The following SZT2 variants were observed in gnomAD, a reference collection of about 807,000 sequenced individuals.
SZT2 encodes SZT2 subunit of KICSTOR complex, also known as KICSTOR complex protein SZT2.
A neutral mutation model predicts 404.2 loss-of-function variants in SZT2; 216 were observed. The ratio of observed to expected loss-of-function variants is 0.53; its 90% CI spans 0.48 to 0.60. The LOEUF is 0.60. SZT2 is among the 20% of genes least tolerant of loss of function. SZT2 has a pLI of 0.00. For missense variants in SZT2, 3,857 were observed against 4,459.2 expected, an observed-to-expected ratio of 0.86 and a Z score of 3.85; for synonymous variants, 1,693 against 1,749.9, an observed-to-expected ratio of 0.97 and a Z score of 0.81.
In SZT2 at chr1:43,453,472, C is replaced by T; in HGVS notation, c.*2992C>T. 1 of 1,560,548 alleles carries T rather than the reference C, an allele frequency of 6.4e-7. No individual in the cohort carries two copies. Among genetic ancestry groups the T allele is most frequent in the Non-Finnish European group, 8.7e-7 (1 of 1,151,426 alleles). On this transcript the variant is annotated 3_prime_UTR_variant, in exon 72 of 72. Coordinates refer to ENST00000634258, the MANE Select transcript of SZT2 (RefSeq NM_001365999.1). Reference sequence around the variant, plus strand: ...CCTGTCTCCCGGGGACGGCCCCCAGCCCCATTTCCCCCTTCTCTTGGTCTC... The same window carrying T: ...CCTGTCTCCCGGGGACGGCCCCCAGTCCCATTTCCCCCTTCTCTTGGTCTC...
At chr1:43,398,903 A>C (rs928703869) in intron 1 of SZT2, among the ~76,000 whole-genome samples, 7 of 152,210 alleles carry the variant, frequency 4.6e-5, no homozygotes, top group Admixed American at 6.5e-5. Flanking sequence ...AATATGGTGA[A>C]CCACCATCTC....
Position 43,419,716 on chromosome 1 carries a change from G to A in SZT2, c.880-18G>A. 2 of 1,591,804 alleles carry A rather than the reference G, an allele frequency of 1.3e-6. No homozygotes were observed. The highest frequency in any genetic ancestry group is 1.7e-6 in the Non-Finnish European group (2 of 1,175,830). On this transcript the variant is annotated intron_variant, in intron 7 of 71. Coordinates refer to ENST00000634258, the MANE Select transcript of SZT2 (RefSeq NM_001365999.1). Reference sequence around the variant, plus strand: ...TGCCTCTGTCAGAGCTAGGTCTTCAGTTGCTCACTTTTTCCAGGTGGGAGG... The same window carrying A: ...TGCCTCTGTCAGAGCTAGGTCTTCAATTGCTCACTTTTTCCAGGTGGGAGG...
At chr1:43,397,671 A>T (rs1485241427) in intron 1 of SZT2, among the ~76,000 whole-genome samples, 1 of 151,558 alleles carries the variant, frequency 6.6e-6, no homozygotes, top group Non-Finnish European at 1.5e-5. Context: ...GGGACTACAG[A>T]TGTGCTCCAC....
At position 43,452,844 on chromosome 1, in the gene SZT2, T is replaced by C; in HGVS notation, c.*2364T>C. On this transcript the variant is annotated 3_prime_UTR_variant, in exon 72 of 72. Coordinates refer to ENST00000634258, the MANE Select transcript of SZT2 (RefSeq NM_001365999.1). ...ACCTCCTCCCATCATCCCCTGATCTTAGCCACATCCAGCTCCAAGCAGACA... is the reference window on the plus strand; with the variant it reads ...ACCTCCTCCCATCATCCCCTGATCTCAGCCACATCCAGCTCCAAGCAGACA... 6.5e-7 allele frequency: 1 copy of C among 1,533,964 alleles called. No homozygotes were observed. Among genetic ancestry groups the C allele is most frequent in the Non-Finnish European group, 8.8e-7 (1 of 1,130,616 alleles).
At chr1:43,435,746 CA>C (rs894549902) in intron 42 of SZT2, 46 of 159,982 alleles carry the variant, frequency 2.9e-4, no homozygotes, top group African/African-American at 1.0e-3. Context: ...GGGAAAGAGC[CA>C]GGGGAGGGGG....
chr1:43,447,969 G>A lies in SZT2; in HGVS notation c.9561G>A (p.Leu3187=). 6.2e-7 allele frequency: 1 copy of A among 1,613,876 alleles called. No individual in the cohort carries two copies. The highest frequency in any genetic ancestry group is 8.5e-7 in the Non-Finnish European group (1 of 1,179,990). The change falls in exon 68 of 72, where the codon CTG becomes CTA. Residue 3187 remains leucine, a splice_region_variant and synonymous_variant. Transcript: ENST00000634258. ...AAGGAGAGGCTGAGCGGCACGTTCT[G>A]CGGTCAGCAGATCCCCTACCTTGAA... The part of the protein sequence containing the change: ...EEQGEAERHV[L]RLQFFVVLTS...
chr1:43,421,516 G>A (rs895824631), intron 11 of SZT2, among the ~76,000 whole-genome samples: 7 of 152,220 alleles, frequency 4.6e-5, no homozygotes, highest in African/African-American at 1.7e-4. Flanking sequence ...ACAGAGCACA[G>A]GTGGCAGAGG....
rs772017315 is a variant in SZT2, at chr1:43,432,815, G to A, written c.5602+16G>A. On this transcript the variant is annotated intron_variant, in intron 39 of 71. Transcript: ENST00000634258. ...GACCACCTAGGTAAGCTGGGGGGAC[G>A]GGGTGAAGGACTCTAAGCTGATGGG... 12 of 1,613,120 alleles carry A rather than the reference G, an allele frequency of 7.4e-6. No homozygotes were observed. Among genetic ancestry groups the A allele is most frequent in the South Asian group, 2.2e-5 (2 of 90,962 alleles).
Position 43,439,190 on chromosome 1 carries a change from G to T in SZT2, c.6792+97G>T. ...TACCGATACCCCTATATGTACCTTT[G>T]CCCATGGACCTGGGTACACCCATGC... On this transcript the variant is annotated intron_variant, in intron 48 of 71. Transcript: ENST00000634258. The surrounding 1 kb of genome is among the most constrained non-coding windows in gnomAD (Gnocchi z 4.2). 1 of 1,577,244 alleles carries T rather than the reference G, an allele frequency of 6.3e-7. No homozygotes were observed. Among genetic ancestry groups the T allele is most frequent in the Non-Finnish European group, 8.7e-7 (1 of 1,153,954 alleles).
intron 1 of SZT2, among the ~76,000 whole-genome samples, chr1:43,401,706 G>A (rs1649709901): frequency 6.6e-6 from 1 of 152,038 alleles, no homozygotes; most frequent in Non-Finnish European, 1.5e-5. Context: ...GGCTGGTCTC[G>A]AACTCCTGAC....
Position 43,437,072 on chromosome 1 carries a change from T to C in SZT2, c.6035-99T>C, listed in dbSNP as rs1654534119. On this transcript the variant is annotated intron_variant, in intron 42 of 71. Transcript: ENST00000634258. The surrounding 1 kb of genome is among the most constrained non-coding windows in gnomAD (Gnocchi z 5.3). ...TCTCTGCAATAGTCAGGGATGAGTC[T>C]GGAGGAGTGAGGACAAGTAGGCCAG... The C allele has an allele frequency of 6.8e-7, 1 of 1,472,906 alleles. No homozygotes were observed. Among genetic ancestry groups the C allele is most frequent in the Non-Finnish European group, 9.3e-7 (1 of 1,076,756 alleles). The allele number at this position is 1,472,906 out of a possible 1,614,324, so 91.2% of individuals were successfully genotyped here.
intron 1 of SZT2, among the ~76,000 whole-genome samples, chr1:43,394,748 C>T (rs1648791275): frequency 6.6e-6 from 1 of 151,940 alleles, no homozygotes; most frequent in African/African-American, 2.4e-5. Context: ...CGTGGTGGCG[C>T]ATGCCTGTAA....
chr1:43,403,693 A>G lies in SZT2; in HGVS notation c.246A>G (p.Val82=), dbSNP rs1649956153. Residue 82 remains valine (V), a synonymous_variant, in exon 3 of 72, where the codon GTA becomes GTG. Coordinates refer to ENST00000634258, the MANE Select transcript of SZT2 (RefSeq NM_001365999.1). The part of the protein sequence containing the change: ...EPVVPRPFLL[V]PSTRVTFLAW... ...TGGTCCCAAGGCCATTCCTCCTGGT[A>G]CCTTCCACCCGGGTCACCTTCCTGG... 1.2e-6 allele frequency: 2 copies of G among 1,614,058 alleles called. No individual in the cohort carries two copies. Among genetic ancestry groups the G allele is most frequent in the Non-Finnish European group, 1.7e-6 (2 of 1,180,020 alleles).
chr1:43,391,196 C>T (rs1288715318), intron 1 of SZT2, among the ~76,000 whole-genome samples: 2 of 152,162 alleles, frequency 1.3e-5, no homozygotes, highest in Non-Finnish European at 2.9e-5. Flanking sequence ...GGCCTGTAAT[C>T]TCAGCTACTC....
chr1:43,427,362 C>T lies in SZT2; in HGVS notation c.3515C>T (p.Ala1172Val). 1.2e-6 allele frequency: 2 copies of T among 1,614,080 alleles called. No individual in the cohort carries two copies. The highest frequency in any genetic ancestry group is 2.2e-5 in the East Asian group (1 of 44,874). ...CCTAAGTTTGGGGATTGGAGTGGGG[C>T]TCCCAGTCTGAAAGATCTAGGAGGA... The part of the protein sequence containing the change: ...TKPKFGDWSG[A>V]PSLKDLGGTG... Residue 1172 changes from alanine (A) to valine (V), a missense_variant, in exon 25 of 72, where the codon GCT becomes GTT. By Grantham distance (64) the Ala-to-Val change is moderately conservative. Around this residue, in one of 7 missense-constraint regions of SZT2, gnomAD observed 1,725 missense variants for 1,881.0 expected, o/e 0.92. Transcript: ENST00000634258.
Position 43,423,108 on chromosome 1 carries a change from G to C in SZT2, c.2047G>C (p.Gly683Arg). ...PAPARHKIVS[G>R]LREEILRLRF... is the part of the protein sequence containing the mutation. The stretch of plus-strand genomic sequence containing the variant: ...CACATTTTCCCCTCAGATTGTGTCA[G>C]GCTTGAGGGAAGAGATCCTGCGGCT... The change falls in exon 15 of 72, where the codon GGC becomes CGC. Residue 683 changes from glycine (G) to arginine (R), a missense_variant. Gly to Arg is a moderately radical substitution (Grantham distance 125, BLOSUM62 -2). Transcript: ENST00000634258. The C allele has an allele frequency of 6.3e-7, 1 of 1,591,596 alleles. No homozygotes were observed. The highest frequency in any genetic ancestry group is 8.5e-7 in the Non-Finnish European group (1 of 1,176,764).
In SZT2 at chr1:43,399,754, C is replaced by T. The variant is rs1649457011; in HGVS notation, c.28-3423C>T. 5.3e-5 allele frequency among the ~76,000 whole-genome samples: 8 copies of T among 151,964 alleles called. No homozygotes were observed. The South Asian group carries it at 1.7e-3, about 32-fold the overall frequency. ...GGGATTACAGACGTGAGCCATGGTG[C>T]CCGGCCACCAGAGGGAATTTTTTTT... On this transcript the variant is annotated intron_variant, in intron 1 of 71. Coordinates refer to ENST00000634258, the MANE Select transcript of SZT2 (RefSeq NM_001365999.1).
chr1:43,440,467 G>C lies in SZT2; in HGVS notation c.7225G>C (p.Gly2409Arg). Residue 2409 changes from glycine to arginine, a missense_variant, in exon 52 of 72, where the codon GGA becomes CGA. Coordinates refer to ENST00000634258, the MANE Select transcript of SZT2 (RefSeq NM_001365999.1). Reference protein sequence around the residue: ...EDTPTGSLRNGSLETKSSAGR... With the variant: ...EDTPTGSLRNRSLETKSSAGR... ...GATGTCCACAGGAAGTCTCAGGAAC[G>C]GATCGTTGGAAACTAAGAGCTCTGC... is the stretch of plus-strand genomic sequence containing the variant. 1 of 1,599,178 alleles carries C rather than the reference G, an allele frequency of 6.3e-7. No individual in the cohort carries two copies. Among genetic ancestry groups the C allele is most frequent in the Non-Finnish European group, 8.5e-7 (1 of 1,173,506 alleles).
Position 43,424,706 on chromosome 1 carries a change from G to A in SZT2, c.2472-78G>A, listed in dbSNP as rs1652930300. ...CCTTGAGGACTGCTGGGAGGTGGGT[G>A]TATGTGGGGAGAGCTTGTAGTCTCA... is the stretch of plus-strand genomic sequence containing the variant. On this transcript the variant is annotated intron_variant, in intron 16 of 71. Transcript: ENST00000634258. The surrounding 1 kb of genome is among the most constrained non-coding windows in gnomAD (Gnocchi z 4.1). 3 of 1,269,612 alleles carry A rather than the reference G, an allele frequency of 2.4e-6. No individual in the cohort carries two copies. The highest frequency in any genetic ancestry group is 2.3e-5 in the East Asian group (1 of 42,920). 78.6% of individuals were successfully genotyped at this position (1,269,612 alleles called of 1,614,324 possible).
Sources: allele counts gnomAD v4.1 joint callset (sites outside exome capture counted in the v4.1 genomes callset), GRCh38; gene constraint gnomAD v4.1.1; regional missense constraint gnomAD v4.1.1; non-coding constraint Gnocchi (gnomAD v3.1); transcripts MANE v1.5; gene names NCBI Gene and HGNC (gene_info 2026-07-23, HGNC 2026-07-21).